The following TCEA1 variants were observed in gnomAD, a reference collection of about 807,000 sequenced individuals.
The protein encoded by TCEA1 is transcription elongation factor A1.
In TCEA1, 21 loss-of-function variants were observed where a neutral mutation model predicts 43.8. The ratio of observed to expected loss-of-function variants is 0.48; its 90% CI spans 0.34 to 0.69. The LOEUF is 0.69. Ranked by LOEUF, TCEA1 falls within the 30% of genes least tolerant of loss-of-function variation. The probability of loss-of-function intolerance (pLI) is 0.01; values close to 1 mark genes in which losing one functional copy is unlikely to be tolerated. For synonymous variants in TCEA1, 104 were observed against 117.5 expected (o/e 0.88, Z 0.75); for missense variants, 250 against 365.1 (o/e 0.68, Z 2.57).
At chr8:53,979,854 C>A (rs1299211100) in intron 7 of TCEA1, among the ~76,000 whole-genome samples, 1 of 152,084 alleles carries the variant, frequency 6.6e-6, no homozygotes, top group African/African-American at 2.4e-5. Context: ...GGCCCCTCAC[C>A]CAGAGGTACA....
At chr8:54,019,101 C>T (rs978156314) in intron 1 of TCEA1, among the ~76,000 whole-genome samples, 1 of 152,152 alleles carries the variant, frequency 6.6e-6, no homozygotes, top group Non-Finnish European at 1.5e-5. Context: ...GAATACCTGG[C>T]TCAGAGTAAT....
chr8:54,020,727 GC>G (rs1430256377), intron 1 of TCEA1, among the ~76,000 whole-genome samples: 99 of 152,284 alleles, frequency 6.5e-4, no homozygotes, highest in African/African-American at 2.2e-3. Flanking sequence ...TTGAGCAGAT[GC>G]TTTTTAACTC....
intron 1 of TCEA1, among the ~76,000 whole-genome samples, chr8:54,019,325 T>G (rs1804945812): frequency 6.6e-6 from 1 of 152,174 alleles, no homozygotes; most frequent in Admixed American, 6.5e-5. Context: ...ATCCCAGCAC[T>G]CTGGGAGGCC....
intron 6 of TCEA1, among the ~76,000 whole-genome samples, chr8:53,985,846 T>A (rs1471418748): frequency 6.6e-6 from 1 of 152,246 alleles, no homozygotes; most frequent in Non-Finnish European, 1.5e-5. Flanking sequence ...CACATTTATA[T>A]GTGTGTGCTT....
chr8:54,019,567 CAA>C (rs1364478794), intron 1 of TCEA1, among the ~76,000 whole-genome samples: 106 of 68,004 alleles, frequency 1.6e-3, no homozygotes, highest in African/African-American at 4.6e-3. Flanking sequence ...GACACTGTCT[CAA>C]AAAAAAAAAA....
intron 7 of TCEA1, among the ~76,000 whole-genome samples, chr8:53,982,341 C>T (rs1365425092): frequency 1.3e-5 from 2 of 152,088 alleles, no homozygotes; most frequent in Admixed American, 1.3e-4. Context: ...GGCACGGTGG[C>T]TCACGCCTGT....
At chr8:53,993,280 GA>G in intron 4 of TCEA1, 1 of 151,226 alleles carries the variant, frequency 6.6e-6, no homozygotes, top group Non-Finnish European at 1.5e-5. Context: ...TCAAAAGGAA[GA>G]AAAAAAGCAT....
intron 6 of TCEA1, among the ~76,000 whole-genome samples, 193 bp from the exon 7 acceptor site, chr8:53,984,710 C>T (rs1237340379): frequency 3.3e-5 from 5 of 151,772 alleles, no homozygotes; most frequent in African/African-American, 1.2e-4. Context: ...GATGAAACCC[C>T]GTCTCTATTA....
intron 8 of TCEA1, among the ~76,000 whole-genome samples, chr8:53,977,349 T>A (rs1459204040): frequency 6.6e-6 from 1 of 152,162 alleles, no homozygotes; most frequent in South Asian, 2.1e-4. Context: ...AATATTTGCA[T>A]GTATACACAT....
chr8:53,971,128 C>T (rs1803143137), intron 8 of TCEA1: 1 of 152,062 alleles, frequency 6.6e-6, no homozygotes, highest in South Asian at 2.1e-4. Flanking sequence ...CAGTAAGATG[C>T]TTACAAAGGT....
intron 9 of TCEA1, among the ~76,000 whole-genome samples, chr8:53,969,608 C>A (rs189193963): frequency 6.6e-6 from 1 of 152,222 alleles, no homozygotes; most frequent in East Asian, 1.9e-4. Context: ...TACTCTTCAT[C>A]ACAATCCGAA....
rs371105623 is a variant in TCEA1 at position 53,971,574 on chromosome 8, G to A, written c.826-1111C>T. The A allele has an allele frequency of 1.7e-3, 267 of 156,364 alleles. 13 individuals carry two copies. The South Asian group carries it at 0.051, about 30-fold the overall frequency. 9.7% of individuals were successfully genotyped at this position (156,364 alleles called of 1,614,324 possible). ...TGCAGTGAGCCGAGGTCACGCCACT[G>A]CACTCCAGCCCAGCAACAGAGCAAG... On this transcript the variant is annotated intron_variant, in intron 8 of 9. Transcript: ENST00000521604.
intron 2 of TCEA1, among the ~76,000 whole-genome samples, chr8:54,001,013 C>A (rs1563500128): frequency 6.6e-6 from 1 of 152,134 alleles, no homozygotes; most frequent in Non-Finnish European, 1.5e-5. Flanking sequence ...CACACCTCAG[C>A]CTCCAAAGTG....
chr8:54,005,034 C>T (rs1034726073), intron 2 of TCEA1, among the ~76,000 whole-genome samples: 2 of 152,038 alleles, frequency 1.3e-5, no homozygotes, highest in African/African-American at 4.8e-5. Context: ...CCACCTTCTA[C>T]TCTCTCACTC....
At chr8:53,996,901 G>GTTTTTTTTTTTTTTTTTTTTTTTT (rs1563494161) in intron 3 of TCEA1, among the ~76,000 whole-genome samples, 1 of 90,202 alleles carries the variant, frequency 1.1e-5, no homozygotes, top group African/African-American at 8.5e-5. Flanking sequence ...AAAGAAGGTT[G>GTTTTTTTTTTTTTTTTTTTTTTTT]TCTTTTTTTT....
At position 53,967,950 on chromosome 8, in the gene TCEA1, G is replaced by A. The variant is rs1257639943; in HGVS notation, c.*154C>T. ...CCCTACTGATCTGAAACTACAGAAGGCATTTAAGGAAGGGATGTTAGGTCA... is the reference window on the plus strand; with the variant it reads ...CCCTACTGATCTGAAACTACAGAAGACATTTAAGGAAGGGATGTTAGGTCA... On this transcript the variant is annotated 3_prime_UTR_variant, in exon 10 of 10. Coordinates refer to ENST00000521604, the MANE Select transcript of TCEA1 (RefSeq NM_006756.4). 1.1e-5 allele frequency: 6 copies of A among 528,408 alleles called. No individual in the cohort carries two copies. In the Admixed American group the frequency reaches 1.2e-4, roughly 11 times the overall value. 32.7% of individuals were successfully genotyped at this position (528,408 alleles called of 1,614,324 possible).
Position 53,967,402 on chromosome 8 carries a change from A to G in TCEA1, c.*702T>C, listed in dbSNP as rs544343658. On this transcript the variant is annotated 3_prime_UTR_variant, in exon 10 of 10. Transcript: ENST00000521604. ...AAAACTAAAACACATTATAAAGTCAAACAGGTAAATTAACAGGAAAACCAA... is the reference window on the plus strand; with the variant it reads ...AAAACTAAAACACATTATAAAGTCAGACAGGTAAATTAACAGGAAAACCAA... 8.5e-5 allele frequency: 17 copies of G among 200,478 alleles called. No homozygotes were observed. The East Asian group carries it at 1.3e-3, about 16-fold the overall frequency. The allele number at this position is 200,478 out of a possible 1,614,324, so 12.4% of individuals were successfully genotyped here.
At chr8:53,970,355 A>G (rs1399183733) in intron 9 of TCEA1, 37 bp downstream of exon 9, 4 of 1,357,000 alleles carry the variant, frequency 2.9e-6, no homozygotes, top group African/African-American at 1.4e-5. Flanking sequence ...TTTCTATTTT[A>G]AGTGAGTATA....
chr8:53,978,873 G>A (rs1453079090), intron 8 of TCEA1, among the ~76,000 whole-genome samples, 152 bp downstream of exon 8: 1 of 152,136 alleles, frequency 6.6e-6, no homozygotes, highest in African/African-American at 2.4e-5. Context: ...GGTACTATCC[G>A]TGGTTTCAGG....
Sources: allele counts gnomAD v4.1 joint callset (sites outside exome capture counted in the v4.1 genomes callset), GRCh38; gene constraint gnomAD v4.1.1; transcripts MANE v1.5; gene names NCBI Gene and HGNC (gene_info 2026-07-23, HGNC 2026-07-21).